The following DOCK7 variants were observed in gnomAD, a reference collection of about 807,000 sequenced individuals.
DOCK7 encodes dedicator of cytokinesis 7.
DOCK7 carries 138 observed loss-of-function variants against 271.0 expected under a neutral mutation model. That is an observed-to-expected ratio of 0.51 (90% CI 0.44 to 0.59). The LOEUF is 0.59. Ranked by LOEUF, DOCK7 falls within the 20% of genes least tolerant of loss-of-function variation. The probability of loss-of-function intolerance (pLI) is 0.00; values close to 1 mark genes in which losing one functional copy is unlikely to be tolerated. For synonymous variants in DOCK7, 823 were observed against 876.1 expected, an observed-to-expected ratio of 0.94 and a Z score of 1.07; for missense variants, 2,066 against 2,592.4, an observed-to-expected ratio of 0.80 and a Z score of 4.41.
At chr1:62,647,015 T>C (rs1656756138) in intron 7 of DOCK7, among the ~76,000 whole-genome samples, 1 of 152,218 alleles carries the variant, frequency 6.6e-6, no homozygotes, top group Non-Finnish European at 1.5e-5. Flanking sequence ...TCTGAATAAA[T>C]CTAACTAAAT....
At chr1:62,546,856 CA>C (rs994484758) in intron 22 of DOCK7, among the ~76,000 whole-genome samples, 7 of 151,992 alleles carry the variant, frequency 4.6e-5, no homozygotes, top group African/African-American at 1.7e-4. Context: ...CATTAGTCTC[CA>C]AAATTATGTC....
chr1:62,672,956 A>G (rs1660172735), intron 1 of DOCK7, among the ~76,000 whole-genome samples: 1 of 152,146 alleles, frequency 6.6e-6, no homozygotes, highest in South Asian at 2.1e-4. Flanking sequence ...TGTCTGGTGT[A>G]TATACTAACA....
At chr1:62,525,666 C>T (rs963707199) in intron 31 of DOCK7, among the ~76,000 whole-genome samples, 3 of 152,214 alleles carry the variant, frequency 2.0e-5, no homozygotes, top group African/African-American at 7.2e-5. Context: ...ATTTCTTAAA[C>T]TGAGCAGTGG....
chr1:62,467,238 C>T (rs901265847), intron 48 of DOCK7, among the ~76,000 whole-genome samples: 1 of 152,172 alleles, frequency 6.6e-6, no homozygotes, highest in Non-Finnish European at 1.5e-5. Flanking sequence ...ACAGGTTTTA[C>T]AACAGGGCCA....
intron 31 of DOCK7, among the ~76,000 whole-genome samples, chr1:62,522,668 A>G (rs1023685325): frequency 1.7e-4 from 26 of 152,170 alleles, no homozygotes; most frequent in African/African-American, 6.0e-4. Flanking sequence ...TACTGGAGGT[A>G]CTAGCCAGTA....
chr1:62,584,762 T>C, intron 15 of DOCK7: 2 of 789,936 alleles, frequency 2.5e-6, no homozygotes, highest in South Asian at 2.9e-5. Flanking sequence ...ATGGGTGAAA[T>C]TAAGAAATAT....
chr1:62,535,528 T>C lies in DOCK7; in HGVS notation c.3576A>G (p.Thr1192=). 6.2e-7 allele frequency: 1 copy of C among 1,614,076 alleles called. No homozygotes were observed. Among genetic ancestry groups the C allele is most frequent in the African/African-American group, 1.3e-5 (1 of 75,064 alleles). Reference sequence around the variant, plus strand: ...CAGGGTCTAAAATGACAGCCAGCTCTGTTAACACAAGTCCTGCCAAATAAT... The same window carrying C: ...CAGGGTCTAAAATGACAGCCAGCTCCGTTAACACAAGTCCTGCCAAATAAT... ...QQHYLAGLVL[T]ELAVILDPDA... The change falls in exon 29 of 50, where the codon ACA becomes ACG. Residue 1192 remains threonine (T), a synonymous_variant. Coordinates refer to ENST00000635253, the MANE Select transcript of DOCK7 (RefSeq NM_001367561.1).
chr1:62,574,621 G>C (rs1646886811), intron 18 of DOCK7, among the ~76,000 whole-genome samples: 1 of 152,174 alleles, frequency 6.6e-6, no homozygotes, highest in South Asian at 2.1e-4. Context: ...ATGGCAGAAG[G>C]GTTATTCAAG....
At chr1:62,524,060 C>T (rs984693879) in intron 31 of DOCK7, among the ~76,000 whole-genome samples, 6 of 151,842 alleles carry the variant, frequency 4.0e-5, no homozygotes, top group African/African-American at 1.5e-4. Flanking sequence ...AAATGGAAAA[C>T]AAGCAAAGAA....
chr1:62,552,886 C>T lies in DOCK7; in HGVS notation c.2612G>A (p.Gly871Glu), dbSNP rs142531051. ...CATTGTGGCATAATGCACTGATCCT[C>T]CCAAACCCCCAGGACCTAGAGTTGT... Reference protein sequence around the residue: ...NSSSPGPGGLGGSVHYATMAR... With the variant: ...NSSSPGPGGLEGSVHYATMAR... Residue 871 changes from glycine (G) to glutamate (E), a missense_variant, in exon 22 of 50, where the codon GGA becomes GAA. Gly to Glu is a moderately conservative substitution (Grantham distance 98). Coordinates refer to ENST00000635253, the MANE Select transcript of DOCK7 (RefSeq NM_001367561.1). 213 of 1,607,814 alleles carry T rather than the reference C, an allele frequency of 1.3e-4. No homozygotes were observed. The highest frequency in any genetic ancestry group is 1.8e-4 in the Non-Finnish European group (206 of 1,176,876).
intron 2 of DOCK7, among the ~76,000 whole-genome samples, chr1:62,655,040 G>A (rs1322249269): frequency 6.6e-6 from 1 of 152,160 alleles, no homozygotes; most frequent in Non-Finnish European, 1.5e-5. Context: ...CACTGTGAGA[G>A]AATAAATTTC....
chr1:62,498,209 A>G (rs1050880366), intron 37 of DOCK7, among the ~76,000 whole-genome samples: 22 of 152,292 alleles, frequency 1.4e-4, no homozygotes, highest in African/African-American at 5.1e-4. Context: ...TCTGGGCAAC[A>G]GAGTAAGACC....
intron 14 of DOCK7, among the ~76,000 whole-genome samples, chr1:62,589,107 G>T (rs1231241310): frequency 6.6e-6 from 1 of 152,106 alleles, no homozygotes; most frequent in African/African-American, 2.4e-5. Flanking sequence ...TTTTAATTTT[G>T]CATCTGGAGT....
At chr1:62,653,873 T>G (rs1459360089) in intron 3 of DOCK7, 80 bp from the exon 4 acceptor site, 1 of 1,478,172 alleles carries the variant, frequency 6.8e-7, no homozygotes, top group Non-Finnish European at 9.4e-7. Flanking sequence ...ACAATCGCTG[T>G]TTGCGTAACA....
Position 62,559,170 on chromosome 1 carries a change from G to T in DOCK7, c.2250C>A (p.His750Gln). 6.2e-7 allele frequency: 1 copy of T among 1,613,692 alleles called. No homozygotes were observed. The highest frequency in any genetic ancestry group is 8.5e-7 in the Non-Finnish European group (1 of 1,179,846). ...TGTCCCCAATTCGGACTGGGAACAG[G>T]TGTTCATCCAGAGCATTGACCAGAG... ...FFALVNALDE[H>Q]LFPVRIGDMR... Residue 750 changes from histidine to glutamine, a missense_variant, in exon 20 of 50, where the codon CAC (histidine) becomes CAA (glutamine). Transcript: ENST00000635253.
intron 14 of DOCK7, chr1:62,598,874 T>C: frequency 1.1e-6 from 1 of 949,594 alleles, no homozygotes; most frequent in East Asian, 2.5e-5. Context: ...AATCCTAAAA[T>C]TATTTACAAG....
chr1:62,522,738 A>C (rs371686654), intron 31 of DOCK7, among the ~76,000 whole-genome samples: 2 of 152,204 alleles, frequency 1.3e-5, no homozygotes, highest in African/African-American at 4.8e-5. Context: ...TTATTCACAA[A>C]TTATATGATT....
At chr1:62,555,529 G>T (rs1397161822) in intron 21 of DOCK7, among the ~76,000 whole-genome samples, 3 of 151,932 alleles carry the variant, frequency 2.0e-5, no homozygotes, top group African/African-American at 7.3e-5. Flanking sequence ...ATCTTAACAA[G>T]GAATGATAAA....
chr1:62,500,931 G>C (rs1387735858), intron 37 of DOCK7, among the ~76,000 whole-genome samples: 1 of 152,126 alleles, frequency 6.6e-6, no homozygotes, highest in African/African-American at 2.4e-5. Flanking sequence ...CAACACTCTG[G>C]GTGGACAAGG....
Sources: allele counts gnomAD v4.1 joint callset (sites outside exome capture counted in the v4.1 genomes callset), GRCh38; gene constraint gnomAD v4.1.1; transcripts MANE v1.5; gene names NCBI Gene and HGNC (gene_info 2026-07-23, HGNC 2026-07-21).